The following HMCN2 variants were observed in gnomAD, a reference collection of about 807,000 sequenced individuals.
HMCN2 encodes the protein hemicentin 2, also known as hemicentin-2.
HMCN2 carries 325 observed loss-of-function variants against 377.5 expected under a neutral mutation model. The ratio of observed to expected loss-of-function variants is 0.86; its 90% CI spans 0.79 to 0.94. HMCN2 has a LOEUF of 0.94. Among genes scored for constraint, HMCN2 ranks in the 40% least tolerant of loss-of-function variants. The pLI, the probability that HMCN2 is intolerant of heterozygous loss-of-function variation, is 0.00. For synonymous variants in HMCN2, 2,007 were observed against 2,046.8 expected, an observed-to-expected ratio of 0.98 and a Z score of 0.53; for missense variants, 4,543 against 4,725.3, an observed-to-expected ratio of 0.96 and a Z score of 1.13.
Position 130,285,239 on chromosome 9 carries a change from G to A in HMCN2, c.412G>A (p.Val138Ile), listed in dbSNP as rs903843075. The change falls in exon 3 of 98, where the codon GTC (valine) becomes ATC (isoleucine). Residue 138 changes from valine to isoleucine, a missense_variant. Transcript: ENST00000683500. ...TGCCAACCCCGGATCCTTCATCTAC[G>A]TCTTTTCGGATGCCCGCGCCAAAGA... is the stretch of plus-strand genomic sequence containing the variant. Reference protein sequence around the residue: ...EVANPGSFIYVFSDARAKDYH... With the variant: ...EVANPGSFIYIFSDARAKDYH... 1.3e-5 allele frequency: 6 copies of A among 471,038 alleles called. No homozygotes were observed. The highest frequency in any genetic ancestry group is 2.2e-5 in the Non-Finnish European group (5 of 227,066). 29.2% of individuals were successfully genotyped at this position (471,038 alleles called of 1,614,324 possible).
intron 77 of HMCN2, 123 bp downstream of exon 77, chr9:130,401,070 C>T (rs1425412857): frequency 7.0e-6 from 6 of 860,192 alleles, no homozygotes; most frequent in African/African-American, 1.8e-5. Context: ...CCTCTCCTGG[C>T]TGTGTGACCT....
intron 1 of HMCN2, among the ~76,000 whole-genome samples, chr9:130,276,227 C>A (rs373773295): frequency 5.6e-4 from 86 of 152,258 alleles, no homozygotes; most frequent in African/African-American, 2.0e-3. Flanking sequence ...TCTCAAGGGT[C>A]CCCTGGGGGC....
At chr9:130,390,401 T>C (rs940773695) in intron 62 of HMCN2, among the ~76,000 whole-genome samples, 1 of 152,174 alleles carries the variant, frequency 6.6e-6, no homozygotes, top group East Asian at 1.9e-4. Context: ...ATTCCCAGGC[T>C]CTGCGCTGGA....
Position 130,394,267 on chromosome 9 carries a change from GA to G in HMCN2, c.10502-116del, listed in dbSNP as rs1277570938. 1 of 689,896 alleles carries G rather than the reference GA, an allele frequency of 1.4e-6. No individual in the cohort carries two copies. 42.7% of individuals were successfully genotyped at this position (689,896 alleles called of 1,614,324 possible). A position where few individuals can be genotyped will look rare whatever the true frequency, so the allele number is the denominator to read the frequency against. ...CACCAAACCTTGGTGGCAGATGCAA[GA>G]ACAAGGGCCACCAAAATGTGGGAGC... On this transcript the variant is annotated intron_variant, in intron 68 of 97. Coordinates refer to ENST00000683500, the MANE Select transcript of HMCN2 (RefSeq NM_001291815.2). This position sits in a 1 kb window ranked among gnomAD's most constrained non-coding sequence, Gnocchi z 5.1.
chr9:130,424,172 T>A lies in HMCN2; in HGVS notation c.13382-604T>A, dbSNP rs1176658740. ...ATGTCCATATATATATATATATATT[T>A]TTTTTTTTTTTAATTTTTTTTTTTG... On this transcript the variant is annotated intron_variant, in intron 87 of 97. Coordinates refer to ENST00000683500, the MANE Select transcript of HMCN2 (RefSeq NM_001291815.2). Among the ~76,000 whole-genome samples, 100 of 144,312 alleles carry A rather than the reference T, an allele frequency of 6.9e-4. 1 individual carries two copies. Among genetic ancestry groups the A allele is most frequent in the Middle Eastern group, 3.6e-3 (1 of 278 alleles). 94.7% of individuals were successfully genotyped at this position (144,312 alleles called of 152,430 possible).
chr9:130,419,097 G>C, intron 86 of HMCN2, 56 bp downstream of exon 86: 2 of 1,438,282 alleles, frequency 1.4e-6, no homozygotes, highest in South Asian at 3.0e-5. Context: ...TCTTGCCGAT[G>C]GGGATTGTGT....
chr9:130,266,668 G>A (rs978326085), intron 1 of HMCN2, among the ~76,000 whole-genome samples: 1 of 152,208 alleles, frequency 6.6e-6, no homozygotes, highest in East Asian at 1.9e-4. Context: ...ACCCTTGCTG[G>A]TCTTGTCCCC....
intron 22 of HMCN2, among the ~76,000 whole-genome samples, chr9:130,330,585 A>T (rs1838374587): frequency 6.6e-6 from 1 of 151,528 alleles, no homozygotes; most frequent in African/African-American, 2.4e-5. Flanking sequence ...TGCTCTCTGA[A>T]CTCCTAGGTA....
At chr9:130,371,859 A>C (rs62580982) in intron 46 of HMCN2, among the ~76,000 whole-genome samples, 36,834 of 152,200 alleles carry the variant, frequency 0.24, 5,344 homozygotes, top group Non-Finnish European at 0.32. Flanking sequence ...TCTGCCCTCC[A>C]CACACTGATC....
At chr9:130,287,370 C>T (rs1411360066) in intron 4 of HMCN2, among the ~76,000 whole-genome samples, 3 of 152,046 alleles carry the variant, frequency 2.0e-5, no homozygotes, top group African/African-American at 7.2e-5. Flanking sequence ...TCGAGCTCCT[C>T]CTCTCCTGGC....
intron 82 of HMCN2, 100 bp from the exon 83 acceptor site, chr9:130,407,471 C>G: frequency 3.7e-6 from 4 of 1,073,340 alleles, no homozygotes; most frequent in Non-Finnish European, 4.9e-6. Context: ...GGACTCCCAT[C>G]TGTTTCTGCA....
At chr9:130,416,103 T>TTA (rs1554972511) in intron 85 of HMCN2, among the ~76,000 whole-genome samples, 12 of 47,938 alleles carry the variant, frequency 2.5e-4, no homozygotes, top group East Asian at 6.2e-4. Context: ...AGGCTTTATT[T>TTA]TTTTTTTTTT....
intron 1 of HMCN2, among the ~76,000 whole-genome samples, chr9:130,284,115 A>T (rs946962528): frequency 2.2e-4 from 33 of 152,230 alleles, no homozygotes; most frequent in Non-Finnish European, 3.7e-4. Flanking sequence ...TGTTCTTTTT[A>T]AAATGAGCTC....
chr9:130,421,548 G>T (rs565073767), intron 86 of HMCN2, among the ~76,000 whole-genome samples: 14 of 152,204 alleles, frequency 9.2e-5, no homozygotes, highest in Non-Finnish European at 1.5e-4. Flanking sequence ...TGCCGTGCCT[G>T]GGTTCCATTT....
intron 36 of HMCN2, among the ~76,000 whole-genome samples, chr9:130,358,815 A>T (rs1187491045): frequency 6.6e-6 from 1 of 152,040 alleles, no homozygotes; most frequent in East Asian, 1.9e-4. Flanking sequence ...CTGGGGCTAC[A>T]GGCACCCACC....
At chr9:130,300,286 A>C (rs1891306) in intron 8 of HMCN2, among the ~76,000 whole-genome samples, 112,151 of 152,192 alleles carry the variant, frequency 0.74, 41,864 homozygotes, top group East Asian at 0.97. Context: ...GTCCACCCAC[A>C]CATCCATCTA....
intron 93 of HMCN2, chr9:130,429,083 C>T (rs769342098): frequency 8.0e-5 from 15 of 187,292 alleles, no homozygotes; most frequent in Admixed American, 3.3e-4. Flanking sequence ...TCTGTGGCCC[C>T]CAGGGCCCTT....
chr9:130,368,243 C>G (rs752315877), intron 43 of HMCN2, 33 bp from the exon 44 acceptor site: 3 of 985,132 alleles, frequency 3.0e-6, no homozygotes, highest in Non-Finnish European at 3.6e-6. Context: ...TGCAAATGCC[C>G]TGGACCAGGA....
rs146359777 is a variant in HMCN2, at chr9:130,292,928, T to C, written c.613-1927T>C. 4.0e-3 allele frequency among the ~76,000 whole-genome samples: 606 copies of C among 152,244 alleles called. 5 individuals are homozygous for C. The highest frequency in any genetic ancestry group is 0.014 in the African/African-American group (571 of 41,540). On this transcript the variant is annotated intron_variant, in intron 4 of 97. Transcript: ENST00000683500. ...GTGGTGATCATTGTTATTGAAACTT[T>C]GGGCCATCATTGCTTCTGGATCAAT...
Sources: allele counts gnomAD v4.1 joint callset (sites outside exome capture counted in the v4.1 genomes callset), GRCh38; gene constraint gnomAD v4.1.1; non-coding constraint Gnocchi (gnomAD v3.1); transcripts MANE v1.5; gene names NCBI Gene and HGNC (gene_info 2026-07-23, HGNC 2026-07-21).